The following RBBP6 variants were observed in gnomAD, a reference collection of about 807,000 sequenced individuals.
RBBP6 encodes the protein E3 ubiquitin-protein ligase RBBP6.
In RBBP6, 25 loss-of-function variants were observed where a neutral mutation model predicts 167.7. That is an observed-to-expected ratio of 0.15 (90% CI 0.11 to 0.21). The LOEUF (loss-of-function observed/expected upper bound fraction) is 0.21, where lower values mean the gene tolerates loss of function less well. RBBP6 is among the 10% of genes least tolerant of loss of function. The pLI is 1.00. For missense variants in RBBP6, 1,868 were observed against 2,134.2 expected, an observed-to-expected ratio of 0.88 and a Z score of 2.46; for synonymous variants, 789 against 735.8, an observed-to-expected ratio of 1.07 and a Z score of -1.17.
In RBBP6 at chr16:24,567,064, T is replaced by G. The variant is rs193006169; in HGVS notation, c.1590-79T>G. On this transcript the variant is annotated intron_variant, in intron 14 of 17. Transcript: ENST00000319715. ...CACTGTTTTTAAGTTTGAAAATAAT[T>G]ATGGATAGAAGAGATAAGCTTACTT... 283 of 1,414,484 alleles carry G rather than the reference T, an allele frequency of 2.0e-4. 1 individual carries two copies. The East Asian group carries it at 5.5e-3, about 27-fold the overall frequency. The allele number at this position is 1,414,484 out of a possible 1,614,324, so 87.6% of individuals were successfully genotyped here.
At position 24,567,881 on chromosome 16, in the gene RBBP6, G is replaced by A. The variant is rs755284442; in HGVS notation, c.2042G>A (p.Arg681His). The change falls in exon 16 of 18, where the codon CGC becomes CAC. Residue 681 changes from arginine (R) to histidine (H), a missense_variant. Around this residue, in one of 7 missense-constraint regions of RBBP6, gnomAD observed 145 missense variants for 224.3 expected, o/e 0.65. Coordinates refer to ENST00000319715, the MANE Select transcript of RBBP6 (RefSeq NM_006910.5). ...AAAAAGATTCAAAAGGAGCGTAGGC[G>A]CTCATTTTCCAGGTTAGTGTTTTGC... Reference protein sequence around the residue: ...EYKKIQKERRRSFSRSKSPYS... With the variant: ...EYKKIQKERRHSFSRSKSPYS... 5 of 1,610,800 alleles carry A rather than the reference G, an allele frequency of 3.1e-6. No individual in the cohort carries two copies. Among genetic ancestry groups the A allele is most frequent in the Middle Eastern group, 1.7e-4 (1 of 6,054 alleles).
intron 3 of RBBP6, among the ~76,000 whole-genome samples, chr16:24,549,649 C>A (rs1286267765): frequency 6.6e-6 from 1 of 151,902 alleles, no homozygotes; most frequent in Admixed American, 6.6e-5. Flanking sequence ...TAAAGTGAAA[C>A]CTGAACCTGG....
Position 24,556,379 on chromosome 16 carries a change from G to A in RBBP6, c.606G>A (p.Val202=). The A allele has an allele frequency of 6.2e-7, 1 of 1,605,620 alleles. No homozygotes were observed. Among genetic ancestry groups the A allele is most frequent in the Non-Finnish European group, 8.5e-7 (1 of 1,172,402 alleles). ...TGIPRSFMME[V]KDPNMKGAML... ...TTCCCAGAAGTTTCATGATGGAAGT[G>A]AAAGATCCTAATATGAAAGGTGCAA... is the stretch of plus-strand genomic sequence containing the variant. Residue 202 remains valine, a synonymous_variant, in exon 7 of 18, where the codon GTG becomes GTA. Coordinates refer to ENST00000319715, the MANE Select transcript of RBBP6 (RefSeq NM_006910.5).
At chr16:24,559,884 T>G in intron 8 of RBBP6, 1 of 348,666 alleles carries the variant, frequency 2.9e-6, no homozygotes. Flanking sequence ...AATTCTAGAA[T>G]TGACTTCTGT....
intron 3 of RBBP6, among the ~76,000 whole-genome samples, chr16:24,550,845 A>G (rs1042705709): frequency 6.6e-6 from 1 of 151,648 alleles, no homozygotes; most frequent in Non-Finnish European, 1.5e-5. Context: ...CTTGGGGTAC[A>G]TTTGCTGGCA....
In RBBP6 at chr16:24,571,283, G is replaced by A. The variant is rs547347646; in HGVS notation, c.4217G>A (p.Arg1406Gln). Residue 1406 changes from arginine (R) to glutamine (Q), a missense_variant, in exon 18 of 18, where the codon CGA becomes CAA. Coordinates refer to ENST00000319715, the MANE Select transcript of RBBP6 (RefSeq NM_006910.5). ...AGTGAAAAAGGGAAAACCAAAGATC[G>A]AGATTATTCAGTGTTGGAAAAGGAG... The part of the protein sequence containing the change: ...ASSEKGKTKD[R>Q]DYSVLEKENP... 1.4e-5 allele frequency: 22 copies of A among 1,612,982 alleles called. No individual in the cohort carries two copies. The East Asian group carries it at 1.6e-4, about 11-fold the overall frequency.
At position 24,559,523 on chromosome 16, in the gene RBBP6, G is replaced by A. The variant is rs45591839; in HGVS notation, c.693G>A (p.Gly231=). Residue 231 remains glycine (G), a synonymous_variant, in exon 8 of 18, where the codon GGG becomes GGA. Coordinates refer to ENST00000319715, the MANE Select transcript of RBBP6 (RefSeq NM_006910.5). ...TTTACAGAGAAGCATATGCAATTGG[G>A]AAGAAAGAGAAACCTCCCTTCTTAC... The part of the protein sequence containing the change: ...PTIDAEAYAI[G]KKEKPPFLPE... 80,805 of 1,599,056 alleles carry A rather than the reference G, an allele frequency of 0.051. 2,365 individuals carry two copies. Among genetic ancestry groups the A allele is most frequent in the Middle Eastern group, 0.067 (401 of 6,028 alleles).
At chr16:24,540,985 C>T (rs1444447352) in intron 1 of RBBP6, among the ~76,000 whole-genome samples, 193 bp downstream of exon 1, 2 of 151,994 alleles carry the variant, frequency 1.3e-5, no homozygotes, top group Admixed American at 6.6e-5. Flanking sequence ...TTTATTTCTG[C>T]ATACTTGGGT....
intron 3 of RBBP6, among the ~76,000 whole-genome samples, chr16:24,552,378 T>G (rs1042088638): frequency 5.9e-5 from 9 of 151,818 alleles, no homozygotes; most frequent in African/African-American, 2.2e-4. Context: ...TGATGAAGAC[T>G]TTTTTCTTTG....
At chr16:24,568,670 G>A in intron 16 of RBBP6, 75 bp from the exon 17 acceptor site, 1 of 1,495,524 alleles carries the variant, frequency 6.7e-7, no homozygotes, top group South Asian at 1.4e-5. Flanking sequence ...AGGAAAGAAT[G>A]CTAGAATCTG....
chr16:24,540,535 G>C lies in RBBP6; in HGVS notation c.-92G>C. The C allele has an allele frequency of 7.6e-7, 1 of 1,312,316 alleles. No homozygotes were observed. The highest frequency in any genetic ancestry group is 1.4e-5 in the South Asian group (1 of 69,038). The allele number at this position is 1,312,316 out of a possible 1,614,324, so 81.3% of individuals were successfully genotyped here. ...GTCCTTCGGTGTCTTTGAGTGTTTT[G>C]TGTGTACATATTTTGCTCTTAAAGT... On this transcript the variant is annotated 5_prime_UTR_variant, in exon 1 of 18. Transcript: ENST00000319715.
intron 2 of RBBP6, among the ~76,000 whole-genome samples, chr16:24,548,115 A>T (rs753544028): frequency 6.6e-6 from 1 of 152,118 alleles, no homozygotes; most frequent in Admixed American, 6.5e-5. Flanking sequence ...TAGTCAAGAT[A>T]CCTTAAACTT....
intron 7 of RBBP6, 138 bp downstream of exon 7, chr16:24,556,585 G>T: frequency 1.0e-6 from 1 of 1,002,506 alleles, no homozygotes; most frequent in Non-Finnish European, 1.3e-6. Context: ...TCTACATCTT[G>T]CATTTCTGTG....
chr16:24,546,267 G>T lies in RBBP6; in HGVS notation c.266+5G>T. On this transcript the variant is annotated splice_donor_5th_base_variant and intron_variant, in intron 2 of 17. Coordinates refer to ENST00000319715, the MANE Select transcript of RBBP6 (RefSeq NM_006910.5). The stretch of plus-strand genomic sequence containing the variant: ...TACAAGCAAGACATATGTTATGTAA[G>T]TATCAAATCTCATGTATTTCTCAAA... The T allele has an allele frequency of 1.9e-6, 3 of 1,546,610 alleles. No homozygotes were observed. Among genetic ancestry groups the T allele is most frequent in the East Asian group, 2.3e-5 (1 of 42,588 alleles).
chr16:24,561,726 G>C lies in RBBP6; in HGVS notation c.951+11G>C, dbSNP rs546445207. On this transcript the variant is annotated intron_variant, in intron 9 of 17. Transcript: ENST00000319715. ...AAATTTTTACGACAGGTAACTGTCTGTATCCATTTTATGAAAAAATTCTTT... is the reference window on the plus strand; with the variant it reads ...AAATTTTTACGACAGGTAACTGTCTCTATCCATTTTATGAAAAAATTCTTT... 6.2e-7 allele frequency: 1 copy of C among 1,611,198 alleles called. No individual in the cohort carries two copies. Among genetic ancestry groups the C allele is most frequent in the African/African-American group, 1.3e-5 (1 of 74,934 alleles).
chr16:24,563,309 G>C lies in RBBP6; in HGVS notation c.1386+14G>C, dbSNP rs750182945. Reference sequence around the variant, plus strand: ...ATGGAAGAGAAGGTAAATTTTACTGGTGCTTTAATTTGGGATTTTTTTTAC... The same window carrying C: ...ATGGAAGAGAAGGTAAATTTTACTGCTGCTTTAATTTGGGATTTTTTTTAC... On this transcript the variant is annotated intron_variant, in intron 11 of 17. Transcript: ENST00000319715. The C allele has an allele frequency of 1.8e-5, 29 of 1,593,310 alleles. No homozygotes were observed. The highest frequency in any genetic ancestry group is 2.8e-5 in the African/African-American group (2 of 72,516).
In RBBP6 at chr16:24,548,426, C is replaced by A. The variant is rs1198280883; in HGVS notation, c.267-519C>A. ...CTCTCACCTTGGCCTCTTGTTCAAT[C>A]CTTGATTGTTGTTTTGAGACATTTG... On this transcript the variant is annotated intron_variant, in intron 2 of 17. Transcript: ENST00000319715. 3.3e-5 allele frequency among the ~76,000 whole-genome samples: 5 copies of A among 151,134 alleles called. No individual in the cohort carries two copies. The East Asian group carries it at 9.7e-4, about 29-fold the overall frequency.
Position 24,544,778 on chromosome 16 carries a change from A to G in RBBP6, c.167-1385A>G, listed in dbSNP as rs531248816. The stretch of plus-strand genomic sequence containing the variant: ...TGCAAATAGCCCAAGGAGTGTAAAA[A>G]TAGGATCCATTCTTCTCCCTCTTGG... On this transcript the variant is annotated intron_variant, in intron 1 of 17. Coordinates refer to ENST00000319715, the MANE Select transcript of RBBP6 (RefSeq NM_006910.5). 5.3e-5 allele frequency among the ~76,000 whole-genome samples: 8 copies of G among 152,306 alleles called. No homozygotes were observed. The South Asian group carries it at 1.7e-3, about 32-fold the overall frequency.
intron 7 of RBBP6, among the ~76,000 whole-genome samples, chr16:24,557,533 A>T (rs1235290144): frequency 1.3e-5 from 2 of 152,134 alleles, no homozygotes; most frequent in Non-Finnish European, 2.9e-5. Flanking sequence ...TTCCTACAAA[A>T]GTATGTTAAA....
Sources: gnomAD v4.1 joint callset for allele counts (sites outside exome capture counted in the v4.1 genomes callset) on GRCh38, gnomAD v4.1.1 for gene constraint, gnomAD v4.1.1 regional missense constraint, MANE v1.5 for transcripts, NCBI Gene and HGNC (gene_info 2026-07-23, HGNC 2026-07-21) for gene names.